Variants in P2RY1 observed in about 807,000 individuals in gnomAD.
P2RY1 encodes the protein purinergic receptor P2Y1, also known as P2Y purinoceptor 1.
P2RY1 carries 14 observed loss-of-function variants against 22.8 expected under a neutral mutation model. That is an observed-to-expected ratio of 0.61 (90% CI 0.41 to 0.96). P2RY1 has a LOEUF of 0.96. Ranked by LOEUF, P2RY1 falls within the 40% of genes least tolerant of loss-of-function variation. The pLI is 0.00. For synonymous variants in P2RY1, 200 were observed against 195.1 expected (o/e 1.03, Z -0.21); for missense variants, 395 against 470.3 (o/e 0.84, Z 1.48).
chr3:152,837,207 C>T lies in P2RY1; in HGVS notation c.*303C>T. On this transcript the variant is annotated 3_prime_UTR_variant, in exon 1 of 1. Coordinates refer to ENST00000305097, the MANE Select transcript of P2RY1 (RefSeq NM_002563.5). ...CTTTTCTGTTTAAAGTGTGTGTGCA[C>T]ATGAGTACTGGGGCTGTTTTTGATA... is the stretch of plus-strand genomic sequence containing the variant. The T allele has an allele frequency of 3.5e-6, 1 of 286,132 alleles. No individual in the cohort carries two copies. Among genetic ancestry groups the T allele is most frequent in the Non-Finnish European group, 6.9e-6 (1 of 145,060 alleles). The allele number at this position is 286,132 out of a possible 1,614,324, so 17.7% of individuals were successfully genotyped here.
rs1477141298 is a variant in P2RY1, at chr3:152,839,963, G to A, written c.*3059G>A. ...GCTTATAGCAGCTGGAATTTGGCTAGTGACAATGTTTAAAGATGTAATACT... is the reference window on the plus strand; with the variant it reads ...GCTTATAGCAGCTGGAATTTGGCTAATGACAATGTTTAAAGATGTAATACT... On this transcript the variant is annotated 3_prime_UTR_variant, in exon 1 of 1. Coordinates refer to ENST00000305097, the MANE Select transcript of P2RY1 (RefSeq NM_002563.5). 1 of 152,196 alleles carries A rather than the reference G, an allele frequency of 6.6e-6. No homozygotes were observed. The highest frequency in any genetic ancestry group is 2.4e-5 in the African/African-American group (1 of 41,450). 9.4% of individuals were successfully genotyped at this position (152,196 alleles called of 1,614,324 possible). A position where few individuals can be genotyped will look rare whatever the true frequency, so the allele number is the denominator to read the frequency against.
In P2RY1 at chr3:152,836,416, C is replaced by G; in HGVS notation, c.634C>G (p.Arg212Gly). The change falls in exon 1 of 1, where the codon CGA becomes GGA. Residue 212 changes from arginine (R) to glycine (G), a missense_variant. By Grantham distance (125) the Arg-to-Gly change is moderately radical. This residue lies in a region of P2RY1 where 291 missense variants were observed against 361.6 expected (regional missense o/e 0.80). Transcript: ENST00000305097. This position sits in a 1 kb window ranked among gnomAD's most constrained non-coding sequence, Gnocchi z 5.6. ...CGACACCACCTCAGACGAGTACCTG[C>G]GAAGTTATTTCATCTACAGCATGTG... is the stretch of plus-strand genomic sequence containing the variant. The part of the protein sequence containing the change: ...CYDTTSDEYL[R>G]SYFIYSMCTT... The G allele has an allele frequency of 6.2e-7, 1 of 1,614,084 alleles. No individual in the cohort carries two copies. The highest frequency in any genetic ancestry group is 8.5e-7 in the Non-Finnish European group (1 of 1,180,022).
rs999960054 is a variant in P2RY1 at position 152,839,939 on chromosome 3, C to CT, written c.*3037dup. 6.6e-6 allele frequency: 1 copy of CT among 152,156 alleles called. No homozygotes were observed. The highest frequency in any genetic ancestry group is 6.5e-5 in the Admixed American group (1 of 15,272). 9.4% of individuals were successfully genotyped at this position (152,156 alleles called of 1,614,324 possible). A position where few individuals can be genotyped will look rare whatever the true frequency, so the allele number is the denominator to read the frequency against. The stretch of plus-strand genomic sequence containing the variant: ...TCTTTGGATACTATAGATGTCAGTG[C>CT]TTATAGCAGCTGGAATTTGGCTAGT... On this transcript the variant is annotated 3_prime_UTR_variant, in exon 1 of 1. Transcript: ENST00000305097.
At position 152,837,590 on chromosome 3, in the gene P2RY1, A is replaced by T. The variant is rs1320415711; in HGVS notation, c.*686A>T. The stretch of plus-strand genomic sequence containing the variant: ...TGGGTGCTAAATGTTTGATGGGGAA[A>T]GCCTGCATATATTATCGTACTGGTA... On this transcript the variant is annotated 3_prime_UTR_variant, in exon 1 of 1. Coordinates refer to ENST00000305097, the MANE Select transcript of P2RY1 (RefSeq NM_002563.5). The T allele has an allele frequency of 3.6e-5, 6 of 167,170 alleles. No homozygotes were observed. Among genetic ancestry groups the T allele is most frequent in the Admixed American group, 6.5e-5 (1 of 15,290 alleles). 10.4% of individuals were successfully genotyped at this position (167,170 alleles called of 1,614,324 possible). A position where few individuals can be genotyped will look rare whatever the true frequency, so the allele number is the denominator to read the frequency against.
chr3:152,836,109 C>T lies in P2RY1; in HGVS notation c.327C>T (p.Phe109=). The T allele has an allele frequency of 1.9e-6, 3 of 1,614,146 alleles. No individual in the cohort carries two copies. Among genetic ancestry groups the T allele is most frequent in the East Asian group, 2.2e-5 (1 of 44,886 alleles). ...TGCTGACTCTGCCAGCCCTGATCTT[C>T]TACTACTTCAATAAAACAGACTGGA... ...LYVLTLPALI[F]YYFNKTDWIF... The change falls in exon 1 of 1, where the codon TTC becomes TTT. Residue 109 remains phenylalanine, a synonymous_variant. Coordinates refer to ENST00000305097, the MANE Select transcript of P2RY1 (RefSeq NM_002563.5). This position sits in a 1 kb window ranked among gnomAD's most constrained non-coding sequence, Gnocchi z 5.6.
chr3:152,836,729 A>G lies in P2RY1; in HGVS notation c.947A>G (p.Asn316Ser). The G allele has an allele frequency of 6.2e-7, 1 of 1,614,218 alleles. No homozygotes were observed. Among genetic ancestry groups the G allele is most frequent in the South Asian group, 1.1e-5 (1 of 91,084 alleles). Residue 316 changes from asparagine to serine, a missense_variant, in exon 1 of 1, where the codon AAC (asparagine) becomes AGC (serine). This residue lies in a region of P2RY1 where 291 missense variants were observed against 361.6 expected (regional missense o/e 0.80). Coordinates refer to ENST00000305097, the MANE Select transcript of P2RY1 (RefSeq NM_002563.5). The surrounding 1 kb of genome is among the most constrained non-coding windows in gnomAD (Gnocchi z 5.6). ...GTGACAAGAGGTCTAGCAAGTCTCA[A>G]CAGTTGTGTGGACCCCATTCTCTAT... is the stretch of plus-strand genomic sequence containing the variant. ...YQVTRGLASL[N>S]SCVDPILYFL...
rs961329056 is a variant in P2RY1, at chr3:152,835,131, A to C, written c.-652A>C. ...CTCCGCTCTCCCGCCTAACCCCGGC[A>C]CTCCGGACAGAGCTGGGCCTGGGGA... On this transcript the variant is annotated 5_prime_UTR_variant, in exon 1 of 1. Transcript: ENST00000305097. The C allele has an allele frequency of 6.6e-6, 1 of 152,368 alleles. No homozygotes were observed. The highest frequency in any genetic ancestry group is 2.4e-5 in the African/African-American group (1 of 41,438). The allele number at this position is 152,368 out of a possible 1,614,324, so 9.4% of individuals were successfully genotyped here.
Position 152,835,463 on chromosome 3 carries a change from A to C in P2RY1, c.-320A>C. 1 of 364,634 alleles carries C rather than the reference A, an allele frequency of 2.7e-6. No individual in the cohort carries two copies. The allele number at this position is 364,634 out of a possible 1,614,324, so 22.6% of individuals were successfully genotyped here. On this transcript the variant is annotated 5_prime_UTR_variant, in exon 1 of 1. Coordinates refer to ENST00000305097, the MANE Select transcript of P2RY1 (RefSeq NM_002563.5). ...CAGCGCGGACCCGCGGCCCCTCGGG[A>C]AAGCGCAGTCGGAAAGTTATCCGCG...
chr3:152,838,625 A>G lies in P2RY1; in HGVS notation c.*1721A>G, dbSNP rs544212292. On this transcript the variant is annotated 3_prime_UTR_variant, in exon 1 of 1. Coordinates refer to ENST00000305097, the MANE Select transcript of P2RY1 (RefSeq NM_002563.5). ...TCAGGTCTTGATTTCAGTTCTTGCA[A>G]TGCCTATGTAGATTGAGGATTTGTG... The G allele has an allele frequency of 6.6e-6, 1 of 152,316 alleles. No individual in the cohort carries two copies. Among genetic ancestry groups the G allele is most frequent in the African/African-American group, 2.4e-5 (1 of 41,562 alleles). The allele number at this position is 152,316 out of a possible 1,614,324, so 9.4% of individuals were successfully genotyped here.
At position 152,836,471 on chromosome 3, in the gene P2RY1, T is replaced by A. The variant is rs1716163130; in HGVS notation, c.689T>A (p.Leu230Ter). Reference protein sequence around the residue: ...CTTVAMFCVPLVLILGCYGLI... With the variant: ...CTTVAMFCVP ...ACCGTGGCCATGTTCTGTGTCCCCT[T>A]GGTGCTGATTCTGGGCTGTTACGGA... Residue 230 changes from leucine to a stop codon, truncating the protein, a stop_gained, in exon 1 of 1, where the codon TTG (leucine) becomes TAG (stop). Coordinates refer to ENST00000305097, the MANE Select transcript of P2RY1 (RefSeq NM_002563.5). LOFTEE classifies it high-confidence loss of function. This position sits in a 1 kb window ranked among gnomAD's most constrained non-coding sequence, Gnocchi z 5.6. 6.2e-7 allele frequency: 1 copy of A among 1,614,176 alleles called. No individual in the cohort carries two copies. The highest frequency in any genetic ancestry group is 8.5e-7 in the Non-Finnish European group (1 of 1,180,034).
Position 152,841,254 on chromosome 3 carries a change from T to A in P2RY1, c.*4350T>A, listed in dbSNP as rs569238597. ...ATAGTACTGTTTGCATGTAAGAGTA[T>A]GCAAAACCTTGTGTGTGTGTGTGTG... On this transcript the variant is annotated 3_prime_UTR_variant, in exon 1 of 1. Transcript: ENST00000305097. 6.8e-6 allele frequency: 1 copy of A among 147,128 alleles called. No homozygotes were observed. Among genetic ancestry groups the A allele is most frequent in the Non-Finnish European group, 1.5e-5 (1 of 67,490 alleles). The allele number at this position is 147,128 out of a possible 1,614,324, so 9.1% of individuals were successfully genotyped here.
rs112530526 is a variant in P2RY1 at position 152,835,664 on chromosome 3, C to T, written c.-119C>T. On this transcript the variant is annotated 5_prime_UTR_variant, in exon 1 of 1. Coordinates refer to ENST00000305097, the MANE Select transcript of P2RY1 (RefSeq NM_002563.5). ...CTGCGCGCCCCCTCCCGCGGGGATC[C>T]AGTTCGCCTGCTCCCTTCCGCTCGC... The T allele has an allele frequency of 4.5e-3, 4,430 of 995,474 alleles. 141 individuals are homozygous for T. In the African/African-American group the frequency reaches 0.061, roughly 14 times the overall value. The allele number at this position is 995,474 out of a possible 1,614,324, so 61.7% of individuals were successfully genotyped here. A position where few individuals can be genotyped will look rare whatever the true frequency, so the allele number is the denominator to read the frequency against.
chr3:152,835,355 A>C lies in P2RY1; in HGVS notation c.-428A>C, dbSNP rs1189808809. 1 of 176,064 alleles carries C rather than the reference A, an allele frequency of 5.7e-6. No individual in the cohort carries two copies. The highest frequency in any genetic ancestry group is 2.4e-5 in the African/African-American group (1 of 42,124). The allele number at this position is 176,064 out of a possible 1,614,324, so 10.9% of individuals were successfully genotyped here. A position where few individuals can be genotyped will look rare whatever the true frequency, so the allele number is the denominator to read the frequency against. On this transcript the variant is annotated 5_prime_UTR_variant, in exon 1 of 1. Coordinates refer to ENST00000305097, the MANE Select transcript of P2RY1 (RefSeq NM_002563.5). Reference sequence around the variant, plus strand: ...CCCAATTAAGTTGATCTTTGAGCCAAGGAGGCTGGGGAGCAGCCTCCCCAA... The same window carrying C: ...CCCAATTAAGTTGATCTTTGAGCCACGGAGGCTGGGGAGCAGCCTCCCCAA...
Position 152,836,543 on chromosome 3 carries a change from T to C in P2RY1, c.761T>C (p.Leu254Pro). ...LIYKDLDNSPLRRKSIYLVII... is the reference protein window; with the variant it reads ...LIYKDLDNSPPRRKSIYLVII... The stretch of plus-strand genomic sequence containing the variant: ...TACAAAGATCTGGACAACTCTCCTC[T>C]GAGGAGAAAATCGATTTACCTGGTA... Residue 254 changes from leucine to proline, a missense_variant, in exon 1 of 1, where the codon CTG becomes CCG. By Grantham distance (98) the Leu-to-Pro change is moderately conservative. This residue lies in a region of P2RY1 where 291 missense variants were observed against 361.6 expected (regional missense o/e 0.80). Coordinates refer to ENST00000305097, the MANE Select transcript of P2RY1 (RefSeq NM_002563.5). The surrounding 1 kb of genome is among the most constrained non-coding windows in gnomAD (Gnocchi z 5.6). 6.2e-7 allele frequency: 1 copy of C among 1,614,190 alleles called. No individual in the cohort carries two copies. Among genetic ancestry groups the C allele is most frequent in the Non-Finnish European group, 8.5e-7 (1 of 1,180,014 alleles).
Position 152,836,552 on chromosome 3 carries a change from A to T in P2RY1, c.770A>T (p.Lys257Ile), listed in dbSNP as rs777781177. Reference sequence around the variant, plus strand: ...CTGGACAACTCTCCTCTGAGGAGAAAATCGATTTACCTGGTAATCATTGTA... The same window carrying T: ...CTGGACAACTCTCCTCTGAGGAGAATATCGATTTACCTGGTAATCATTGTA... ...KDLDNSPLRR[K>I]SIYLVIIVLT... Residue 257 changes from lysine (K) to isoleucine (I), a missense_variant, in exon 1 of 1, where the codon AAA becomes ATA. Lys to Ile is a moderately radical substitution (Grantham distance 102). Transcript: ENST00000305097. The surrounding 1 kb of genome is among the most constrained non-coding windows in gnomAD (Gnocchi z 5.6). The T allele has an allele frequency of 1.2e-6, 2 of 1,614,148 alleles. No homozygotes were observed. The highest frequency in any genetic ancestry group is 4.5e-5 in the East Asian group (2 of 44,884).
In P2RY1 at chr3:152,839,469, T is replaced by C. The variant is rs1369583902; in HGVS notation, c.*2565T>C. 3.3e-5 allele frequency: 5 copies of C among 152,290 alleles called. No individual in the cohort carries two copies. Among genetic ancestry groups the C allele is most frequent in the South Asian group, 4.1e-4 (2 of 4,824 alleles). The allele number at this position is 152,290 out of a possible 1,614,324, so 9.4% of individuals were successfully genotyped here. On this transcript the variant is annotated 3_prime_UTR_variant, in exon 1 of 1. Transcript: ENST00000305097. ...AAAACTGCTAACATTATAGAACTTA[T>C]TACCTAACAAAATTTCACACCACAA...
Position 152,836,361 on chromosome 3 carries a change from G to T in P2RY1, c.579G>T (p.Gly193=), listed in dbSNP as rs776251126. The part of the protein sequence containing the change: ...ISPILFYSGT[G]VRKNKTITCY... ...CCATCCTCTTCTACTCAGGTACCGG[G>T]GTCCGCAAAAACAAAACCATCACCT... is the stretch of plus-strand genomic sequence containing the variant. Residue 193 remains glycine (G), a synonymous_variant, in exon 1 of 1, where the codon GGG becomes GGT. Coordinates refer to ENST00000305097, the MANE Select transcript of P2RY1 (RefSeq NM_002563.5). The surrounding 1 kb of genome is among the most constrained non-coding windows in gnomAD (Gnocchi z 5.6). 1.2e-6 allele frequency: 2 copies of T among 1,613,894 alleles called. No homozygotes were observed. The highest frequency in any genetic ancestry group is 2.2e-5 in the East Asian group (1 of 44,864).
rs1262111022 is a variant in P2RY1, at chr3:152,836,027, C to T, written c.245C>T (p.Pro82Leu). Residue 82 changes from proline to leucine, a missense_variant, in exon 1 of 1, where the codon CCC becomes CTC. Transcript: ENST00000305097. The surrounding 1 kb of genome is among the most constrained non-coding windows in gnomAD (Gnocchi z 5.6). ...TGGATGTTCGTCTTCCACATGAAGC[C>T]CTGGAGCGGCATCTCCGTGTACATG... ...AIWMFVFHMK[P>L]WSGISVYMFN... The T allele has an allele frequency of 1.9e-6, 3 of 1,614,080 alleles. No individual in the cohort carries two copies. The highest frequency in any genetic ancestry group is 2.5e-6 in the Non-Finnish European group (3 of 1,180,048).
rs896939633 is a variant in P2RY1, at chr3:152,840,709, T to G, written c.*3805T>G. 2 of 152,196 alleles carry G rather than the reference T, an allele frequency of 1.3e-5. No homozygotes were observed. Among genetic ancestry groups the G allele is most frequent in the Admixed American group, 6.5e-5 (1 of 15,284 alleles). 9.4% of individuals were successfully genotyped at this position (152,196 alleles called of 1,614,324 possible). ...GTTCTACTTAATTTTTTGTGTTGCT[T>G]CTTCTTAAGGTGAGATAGCATAATC... On this transcript the variant is annotated 3_prime_UTR_variant, in exon 1 of 1. Coordinates refer to ENST00000305097, the MANE Select transcript of P2RY1 (RefSeq NM_002563.5).
Sources: allele counts gnomAD v4.1 joint callset, GRCh38; gene constraint gnomAD v4.1.1; regional missense constraint gnomAD v4.1.1; non-coding constraint Gnocchi (gnomAD v3.1); transcripts MANE v1.5; gene names NCBI Gene and HGNC (gene_info 2026-07-23, HGNC 2026-07-21).